TAFA1: variants seen among roughly 807,000 people sequenced by gnomAD.
The protein encoded by TAFA1 is chemokine-like protein TAFA-1.
A neutral mutation model predicts 18.5 loss-of-function variants in TAFA1; 4 were observed. That is an observed-to-expected ratio of 0.22 (90% CI 0.11 to 0.49). The LOEUF is 0.49. Ranked by LOEUF, TAFA1 falls within the 20% of genes least tolerant of loss-of-function variation. The pLI is 0.98. For synonymous variants in TAFA1, 56 were observed against 55.2 expected, an observed-to-expected ratio of 1.01 and a Z score of -0.06; for missense variants, 147 against 169.0, an observed-to-expected ratio of 0.87 and a Z score of 0.72.
chr3:68,259,184 T>C (rs1012234265), intron 2 of TAFA1, among the ~76,000 whole-genome samples: 2 of 152,180 alleles, frequency 1.3e-5, no homozygotes, highest in Non-Finnish European at 2.9e-5. Context: ...AGGGTATTTT[T>C]AATGACATCC....
chr3:68,081,951 T>C (rs1412956908), intron 2 of TAFA1, among the ~76,000 whole-genome samples: 3 of 152,210 alleles, frequency 2.0e-5, no homozygotes, highest in Non-Finnish European at 2.9e-5. Flanking sequence ...ACTGCTGTGC[T>C]AGCAATCAGT....
chr3:68,139,044 A>G (rs1234755689), intron 2 of TAFA1, among the ~76,000 whole-genome samples: 2 of 152,086 alleles, frequency 1.3e-5, no homozygotes, highest in Non-Finnish European at 1.5e-5. Flanking sequence ...AAACAGGCAG[A>G]TTGTTTTTGT....
intron 3 of TAFA1, among the ~76,000 whole-genome samples, chr3:68,459,177 G>C (rs1205020327): frequency 2.0e-5 from 3 of 152,212 alleles, no homozygotes; most frequent in African/African-American, 4.8e-5. Flanking sequence ...CTCATCAGCT[G>C]AGGGCAATTC....
intron 2 of TAFA1, among the ~76,000 whole-genome samples, chr3:68,142,202 C>G (rs1267423269): frequency 6.6e-6 from 1 of 152,170 alleles, no homozygotes; most frequent in Non-Finnish European, 1.5e-5. Flanking sequence ...TGCTTTGTTT[C>G]TCATTCAAGC....
intron 2 of TAFA1, among the ~76,000 whole-genome samples, chr3:68,362,415 A>G (rs1176752406): frequency 6.6e-6 from 1 of 152,158 alleles, no homozygotes; most frequent in Non-Finnish European, 1.5e-5. Flanking sequence ...CTGAAGACGG[A>G]GAAATGGTAT....
chr3:68,276,078 C>T (rs2067790388), intron 2 of TAFA1, among the ~76,000 whole-genome samples: 1 of 151,870 alleles, frequency 6.6e-6, no homozygotes, highest in Non-Finnish European at 1.5e-5. Flanking sequence ...TGTATATCTA[C>T]TGTTAAAATT....
At chr3:68,537,822 C>T (rs377209612) in intron 3 of TAFA1, among the ~76,000 whole-genome samples, 1 of 152,152 alleles carries the variant, frequency 6.6e-6, no homozygotes, top group East Asian at 1.9e-4. Flanking sequence ...GTTTTAATTG[C>T]CTGTGGGTTC....
At chr3:68,070,385 C>T (rs60547129) in intron 2 of TAFA1, among the ~76,000 whole-genome samples, 5,889 of 152,238 alleles carry the variant, frequency 0.039, 163 homozygotes, top group East Asian at 0.1. Context: ...TGCAGGGCAC[C>T]AAATCCCTAG....
intron 2 of TAFA1, among the ~76,000 whole-genome samples, chr3:68,249,029 G>A (rs538560574): frequency 2.4e-4 from 36 of 152,134 alleles, no homozygotes; most frequent in Non-Finnish European, 4.3e-4. Context: ...TTATTTGCTG[G>A]CTCTGGGTCT....
At chr3:68,098,742 C>T (rs2065115311) in intron 2 of TAFA1, among the ~76,000 whole-genome samples, 1 of 152,018 alleles carries the variant, frequency 6.6e-6, no homozygotes, top group South Asian at 2.1e-4. Context: ...TCACATTACC[C>T]AACTTCAAAC....
At chr3:68,043,489 A>G (rs1187092598) in intron 2 of TAFA1, among the ~76,000 whole-genome samples, 1 of 152,238 alleles carries the variant, frequency 6.6e-6, no homozygotes, top group Non-Finnish European at 1.5e-5. Context: ...TTAAAAGTAA[A>G]GAACTATGCA....
At chr3:68,061,445 C>A (rs1033394525) in intron 2 of TAFA1, among the ~76,000 whole-genome samples, 1 of 152,100 alleles carries the variant, frequency 6.6e-6, no homozygotes, top group African/African-American at 2.4e-5. Flanking sequence ...ATGATTTCTC[C>A]ATGAGAACAG....
chr3:67,999,968 T>C (rs1434601476), upstream of TAFA1, among the ~76,000 whole-genome samples: 7 of 152,178 alleles, frequency 4.6e-5, no homozygotes, highest in East Asian at 1.4e-3. Context: ...TTCATATTTT[T>C]AGTAGAGACA....
At chr3:68,407,962 A>T (rs997347320) in intron 2 of TAFA1, among the ~76,000 whole-genome samples, 1 of 152,190 alleles carries the variant, frequency 6.6e-6, no homozygotes, top group Admixed American at 6.5e-5. Context: ...ATTTACAGAC[A>T]AAGACACTCA....
chr3:68,179,250 G>A (rs996409737), intron 2 of TAFA1, among the ~76,000 whole-genome samples: 1 of 152,088 alleles, frequency 6.6e-6, no homozygotes, highest in Admixed American at 6.6e-5. Flanking sequence ...TAAAATTCTA[G>A]GACATATACC....
At chr3:68,105,189 C>T (rs993368412) in intron 2 of TAFA1, among the ~76,000 whole-genome samples, 4 of 152,080 alleles carry the variant, frequency 2.6e-5, no homozygotes, top group African/African-American at 9.7e-5. Context: ...CCCCAGGATC[C>T]AAATACCTCC....
intron 2 of TAFA1, among the ~76,000 whole-genome samples, chr3:68,412,217 AG>A (rs1332037611): frequency 6.6e-6 from 1 of 152,102 alleles, no homozygotes; most frequent in African/African-American, 2.4e-5. Flanking sequence ...CCTTTTTCAA[AG>A]AAATGACAGC....
At chr3:68,437,717 C>T (rs2071288643) in intron 3 of TAFA1, among the ~76,000 whole-genome samples, 1 of 151,928 alleles carries the variant, frequency 6.6e-6, no homozygotes, top group African/African-American at 2.4e-5. Context: ...CCTTAAAGGC[C>T]CCACCTGTCA....
At chr3:68,453,876 A>G (rs2071609884) in intron 3 of TAFA1, among the ~76,000 whole-genome samples, 1 of 152,310 alleles carries the variant, frequency 6.6e-6, no homozygotes, top group African/African-American at 2.4e-5. Context: ...ATAAAGATGC[A>G]GTAACTTCTA....
Sources: allele counts gnomAD v4.1 joint callset (sites outside exome capture counted in the v4.1 genomes callset), GRCh38; gene constraint gnomAD v4.1.1; transcripts MANE v1.5; gene names NCBI Gene and HGNC (gene_info 2026-07-23, HGNC 2026-07-21).